ACMSD: variants seen among roughly 807,000 people sequenced by gnomAD.
The protein encoded by ACMSD is 2-amino-3-carboxymuconate-6-semialdehyde decarboxylase.
Under a neutral mutation model 45.9 loss-of-function variants are expected in ACMSD, and 37 were observed. The ratio of observed to expected loss-of-function variants is 0.81; its 90% CI spans 0.62 to 1.06. ACMSD has a LOEUF of 1.06. Ranked by LOEUF, ACMSD falls within the 50% of genes least tolerant of loss-of-function variation. ACMSD has a pLI of 0.00. For missense variants in ACMSD, 434 were observed against 420.9 expected (o/e 1.03, Z -0.27); for synonymous variants, 138 against 148.8 (o/e 0.93, Z 0.53).
intron 7 of ACMSD, among the ~76,000 whole-genome samples, chr2:134,871,682 G>GACAC (rs1170611331): frequency 0.026 from 3,590 of 138,978 alleles, 147 homozygotes; most frequent in African/African-American, 0.091. Context: ...TCAACAGACA[G>GACAC]ACACACACAC....
Position 134,867,690 on chromosome 2 carries a change from G to T in ACMSD, c.580+18G>T, listed in dbSNP as rs575919995. On this transcript the variant is annotated intron_variant, in intron 6 of 9. Transcript: ENST00000356140. The stretch of plus-strand genomic sequence containing the variant: ...GCTTGTAGGTTTGTGTCTGTGTGGG[G>T]TCTGGAACAGAGGACCAACTCTTGG... The T allele has an allele frequency of 6.2e-7, 1 of 1,605,332 alleles. No individual in the cohort carries two copies. The highest frequency in any genetic ancestry group is 1.7e-5 in the Admixed American group (1 of 59,586).
chr2:134,867,656 G>T lies in ACMSD; in HGVS notation c.564G>T (p.Trp188Cys). ...MQMDGRMAKY[W>C]LPWLVGMPAE... is the part of the protein sequence containing the mutation. ...TGGATGGACGAATGGCCAAATACTGGCTCCCTTGGCTTGTAGGTTTGTGTC... is the reference window on the plus strand; with the variant it reads ...TGGATGGACGAATGGCCAAATACTGTCTCCCTTGGCTTGTAGGTTTGTGTC... The change falls in exon 6 of 10, where the codon TGG (tryptophan) becomes TGT (cysteine). Residue 188 changes from tryptophan to cysteine, a missense_variant. Trp to Cys is a radical substitution (Grantham distance 215). Transcript: ENST00000356140. 1 of 1,613,476 alleles carries T rather than the reference G, an allele frequency of 6.2e-7. No individual in the cohort carries two copies. Among genetic ancestry groups the T allele is most frequent in the Non-Finnish European group, 8.5e-7 (1 of 1,179,634 alleles).
intron 4 of ACMSD, chr2:134,863,159 T>G: frequency 6.9e-6 from 5 of 723,802 alleles, no homozygotes; most frequent in Non-Finnish European, 8.5e-6. Context: ...CTTCTGATTC[T>G]GGCCTCAATT....
intron 2 of ACMSD, among the ~76,000 whole-genome samples, chr2:134,855,850 T>C (rs887075218): frequency 1.3e-5 from 2 of 151,994 alleles, no homozygotes; most frequent in African/African-American, 4.8e-5. Context: ...GTCTATGGAG[T>C]AGAAGGATGA....
chr2:134,887,725 G>A (rs1177082624), intron 8 of ACMSD, among the ~76,000 whole-genome samples: 3 of 152,056 alleles, frequency 2.0e-5, no homozygotes, highest in Admixed American at 6.6e-5. Flanking sequence ...ATCCTTATAC[G>A]GTCAATTAAT....
At chr2:134,901,383 G>A (rs1196658970) in intron 9 of ACMSD, among the ~76,000 whole-genome samples, 1 of 152,148 alleles carries the variant, frequency 6.6e-6, no homozygotes, top group African/African-American at 2.4e-5. Context: ...AGGGCCATGT[G>A]AAAACAACAA....
chr2:134,890,043 A>C (rs79176028), intron 8 of ACMSD, among the ~76,000 whole-genome samples: 3,444 of 152,186 alleles, frequency 0.023, 120 homozygotes, highest in East Asian at 0.14. Flanking sequence ...ATTATTACTG[A>C]ATGATAATAC....
At chr2:134,841,399 A>G (rs1411621909) in intron 1 of ACMSD, among the ~76,000 whole-genome samples, 1 of 152,190 alleles carries the variant, frequency 6.6e-6, no homozygotes, top group African/African-American at 2.4e-5. Flanking sequence ...AGCAGAATCA[A>G]CACGCCTGAA....
intron 2 of ACMSD, among the ~76,000 whole-genome samples, chr2:134,858,091 T>A (rs1687665501): frequency 1.3e-5 from 2 of 152,070 alleles, no homozygotes; most frequent in Non-Finnish European, 2.9e-5. Flanking sequence ...CCATGTTCAA[T>A]GTAGCATCAT....
chr2:134,844,097 A>G (rs1262129302), intron 1 of ACMSD, among the ~76,000 whole-genome samples: 1 of 152,242 alleles, frequency 6.6e-6, no homozygotes, highest in East Asian at 1.9e-4. Flanking sequence ...TGAAGAAGGA[A>G]TAATGATATG....
intron 9 of ACMSD, among the ~76,000 whole-genome samples, chr2:134,899,483 T>C (rs1331379497): frequency 6.6e-6 from 1 of 151,846 alleles, no homozygotes; most frequent in African/African-American, 2.4e-5. Context: ...TTTTTTATCT[T>C]TTTTTTTAAA....
chr2:134,845,970 A>C (rs1178753327), intron 2 of ACMSD, among the ~76,000 whole-genome samples: 2 of 152,128 alleles, frequency 1.3e-5, no homozygotes, highest in Admixed American at 1.3e-4. Flanking sequence ...GTGGTCTGGA[A>C]ATCTAGTTAA....
Position 134,902,001 on chromosome 2 carries a change from TA to T in ACMSD, c.*146del, listed in dbSNP as rs1321160426. On this transcript the variant is annotated 3_prime_UTR_variant, in exon 10 of 10. Coordinates refer to ENST00000356140, the MANE Select transcript of ACMSD (RefSeq NM_138326.3). ...CCCAAATATCCTAAATTATTCATAATAAAAATGATTTGTAAGTGTTTTCATT... is the reference window on the plus strand; with the variant it reads ...CCCAAATATCCTAAATTATTCATAATAAAATGATTTGTAAGTGTTTTCATT... The T allele has an allele frequency of 2.0e-6, 1 of 488,030 alleles. No individual in the cohort carries two copies. Among genetic ancestry groups the T allele is most frequent in the African/African-American group, 2.0e-5 (1 of 50,390 alleles). The allele number at this position is 488,030 out of a possible 1,614,324, so 30.2% of individuals were successfully genotyped here.
rs112952581 is a variant in ACMSD at position 134,871,674 on chromosome 2, A to G, written c.676+614A>G. On this transcript the variant is annotated intron_variant, in intron 7 of 9. Coordinates refer to ENST00000356140, the MANE Select transcript of ACMSD (RefSeq NM_138326.3). ...TAGGTAGTTGAATTTGTGACCCTTCAACAGACAGACACACACACACACACA... is the reference window on the plus strand; with the variant it reads ...TAGGTAGTTGAATTTGTGACCCTTCGACAGACAGACACACACACACACACA... Among the ~76,000 whole-genome samples the G allele has an allele frequency of 3.1e-3, 436 of 142,454 alleles. 1 individual carries two copies. The highest frequency in any genetic ancestry group is 0.011 in the African/African-American group (407 of 36,838). The allele number at this position is 142,454 out of a possible 152,430, so 93.5% of individuals were successfully genotyped here.
At chr2:134,865,643 C>G (rs191186169) in intron 5 of ACMSD, among the ~76,000 whole-genome samples, 1 of 152,090 alleles carries the variant, frequency 6.6e-6, no homozygotes, top group Non-Finnish European at 1.5e-5. Context: ...CTCTAGTTTG[C>G]GTCAATAATG....
At chr2:134,885,402 A>G (rs1160017000) in intron 8 of ACMSD, among the ~76,000 whole-genome samples, 2 of 117,282 alleles carry the variant, frequency 1.7e-5, no homozygotes, top group African/African-American at 3.2e-5. Flanking sequence ...ATATATATTT[A>G]TATATAAAAT....
Position 134,838,741 on chromosome 2 carries a change from T to C in ACMSD, c.57+2T>C, listed in dbSNP as rs992144520. ...AAAGAATGGCCAGATCTAAAAAAGG[T>C]AATGGTAATTAATTTGCTGAATTAT... is the stretch of plus-strand genomic sequence containing the variant. On this transcript the variant is annotated splice_donor_variant, in intron 1 of 9. Transcript: ENST00000356140. LOFTEE classifies it high-confidence loss of function. 1 of 1,603,530 alleles carries C rather than the reference T, an allele frequency of 6.2e-7. No homozygotes were observed. The highest frequency in any genetic ancestry group is 1.3e-5 in the African/African-American group (1 of 74,646).
chr2:134,890,527 T>G (rs1408074986), intron 8 of ACMSD, among the ~76,000 whole-genome samples: 5 of 152,022 alleles, frequency 3.3e-5, no homozygotes, highest in Admixed American at 1.3e-4. Flanking sequence ...TGGGGGCAAT[T>G]GACAAAATTT....
At chr2:134,839,669 T>C (rs1334279953) in intron 1 of ACMSD, among the ~76,000 whole-genome samples, 3 of 152,230 alleles carry the variant, frequency 2.0e-5, no homozygotes, top group Admixed American at 6.5e-5. Context: ...AGAATGTTTA[T>C]CTTAAGTATT....
Sources: gnomAD v4.1 joint callset for allele counts (sites outside exome capture counted in the v4.1 genomes callset) on GRCh38, gnomAD v4.1.1 for gene constraint, MANE v1.5 for transcripts, NCBI Gene and HGNC (gene_info 2026-07-23, HGNC 2026-07-21) for gene names.